Variants in COL5A2 observed in about 807,000 individuals in gnomAD.
COL5A2 encodes the protein collagen type V alpha 2 chain.
In COL5A2, 23 loss-of-function variants were observed where a neutral mutation model predicts 208.2. That is an observed-to-expected ratio of 0.11 (90% CI 0.08 to 0.16). COL5A2 has a LOEUF of 0.16. Among genes scored for constraint, COL5A2 ranks in the 10% least tolerant of loss-of-function variants. The pLI is 1.00. For missense variants in COL5A2, 1,590 were observed against 1,956.4 expected (o/e 0.81, Z 3.53); for synonymous variants, 625 against 628.5 (o/e 0.99, Z 0.08).
chr2:189,314,545 C>T, the COL5A2 span, among the ~76,000 whole-genome samples: 1 of 152,128 alleles, frequency 6.6e-6, no homozygotes, highest in South Asian at 2.1e-4. Flanking sequence ...AAATAGTAAA[C>T]AAATCCCAAA....
intron 51 of COL5A2, among the ~76,000 whole-genome samples, chr2:189,037,873 A>G (rs1685474769): frequency 6.6e-6 from 1 of 152,208 alleles, no homozygotes; most frequent in Non-Finnish European, 1.5e-5. Flanking sequence ...AAGTAAATAA[A>G]TATTTTGAAC....
rs768348357 is a variant in COL5A2 at position 189,064,652 on chromosome 2, C to T, written c.1621G>A (p.Ala541Thr). The change falls in exon 25 of 54, where the codon GCT (alanine) becomes ACT (threonine). Residue 541 changes from alanine to threonine, a missense_variant. Transcript: ENST00000374866. ...GSDGLPGPKGAQGERGPVGSS... is the reference protein window; with the variant it reads ...GSDGLPGPKGTQGERGPVGSS... ...CCTACAGGACCCCGTTCTCCTTGAG[C>T]ACCCTGTACCGAGGCAAAGCAGATG... is the stretch of plus-strand genomic sequence containing the variant. 1.9e-6 allele frequency: 3 copies of T among 1,610,330 alleles called. No homozygotes were observed. The highest frequency in any genetic ancestry group is 4.5e-5 in the East Asian group (2 of 44,828).
chr2:189,394,042 T>G, the COL5A2 span, among the ~76,000 whole-genome samples: 1 of 152,182 alleles, frequency 6.6e-6, no homozygotes, highest in African/African-American at 2.4e-5. Context: ...GGCCTCACCT[T>G]GAGCATACCT....
chr2:189,055,307 T>C (rs1200368079), intron 35 of COL5A2, among the ~76,000 whole-genome samples: 2 of 152,194 alleles, frequency 1.3e-5, no homozygotes, highest in Admixed American at 1.3e-4. Flanking sequence ...AGCTAACACA[T>C]GGGGACACAA....
At chr2:189,235,235 T>C in the COL5A2 span, among the ~76,000 whole-genome samples, 2 of 151,714 alleles carry the variant, frequency 1.3e-5, no homozygotes, top group South Asian at 2.1e-4. Context: ...ATTCTCTAAA[T>C]AGTACATATT....
the COL5A2 span, among the ~76,000 whole-genome samples, chr2:189,426,082 G>C: frequency 6.6e-6 from 1 of 152,194 alleles, no homozygotes. Flanking sequence ...AAATGACTTT[G>C]AAACTGGGTA....
the COL5A2 span, among the ~76,000 whole-genome samples, chr2:189,325,322 A>AT: frequency 0.15 from 21,880 of 144,078 alleles, 1,908 homozygotes; most frequent in South Asian, 0.2. Context: ...TAATAAAAAA[A>AT]AATATATATA....
At chr2:189,163,064 A>G (rs1688399944) in intron 1 of COL5A2, among the ~76,000 whole-genome samples, 1 of 152,272 alleles carries the variant, frequency 6.6e-6, no homozygotes, top group Admixed American at 6.5e-5. Flanking sequence ...AGGAATCAAG[A>G]ACAAATATGA....
chr2:189,340,208 G>A, the COL5A2 span, among the ~76,000 whole-genome samples: 6 of 152,156 alleles, frequency 3.9e-5, no homozygotes, highest in Admixed American at 1.3e-4. Context: ...TCAGTGGGGG[G>A]CTTAGGACTT....
the COL5A2 span, among the ~76,000 whole-genome samples, chr2:189,265,964 C>A: frequency 6.6e-6 from 1 of 152,140 alleles, no homozygotes; most frequent in African/African-American, 2.4e-5. Context: ...ATATTCCACT[C>A]TTAAATAAAT....
chr2:189,225,122 A>C (rs2105882580), intron 1 of COL5A2, among the ~76,000 whole-genome samples: 1 of 152,296 alleles, frequency 6.6e-6, no homozygotes, highest in South Asian at 2.1e-4. Flanking sequence ...ACCAAGCTTA[A>C]TCAAAACTCT....
the COL5A2 span, among the ~76,000 whole-genome samples, chr2:189,236,236 A>AT: frequency 6.6e-6 from 1 of 151,704 alleles, no homozygotes. Flanking sequence ...AACCATGAGC[A>AT]TGACTCTAGT....
At chr2:189,042,217 A>G (rs1685576824) in intron 49 of COL5A2, among the ~76,000 whole-genome samples, 1 of 152,210 alleles carries the variant, frequency 6.6e-6, no homozygotes, top group African/African-American at 2.4e-5. Flanking sequence ...GTCTTATGCC[A>G]TCAATGACTT....
In COL5A2 at chr2:189,169,077, G is replaced by A. The variant is rs142724663; in HGVS notation, c.97+10431C>T. Among the ~76,000 whole-genome samples, 13 of 152,300 alleles carry A rather than the reference G, an allele frequency of 8.5e-5. No individual in the cohort carries two copies. The East Asian group carries it at 1.7e-3, about 20-fold the overall frequency. On this transcript the variant is annotated intron_variant, in intron 1 of 53. Coordinates refer to ENST00000374866, the MANE Select transcript of COL5A2 (RefSeq NM_000393.5). The stretch of plus-strand genomic sequence containing the variant: ...GATGGTCACCCCTACTACTGTATCC[G>A]AATAGTCCTGGGAGCTGCTTTGTAA...
chr2:189,271,890 C>T, the COL5A2 span, among the ~76,000 whole-genome samples: 1 of 152,110 alleles, frequency 6.6e-6, no homozygotes, highest in African/African-American at 2.4e-5. Context: ...ATTTATGTGG[C>T]CAACAAACAT....
At chr2:189,172,306 A>C (rs374342339) in intron 1 of COL5A2, among the ~76,000 whole-genome samples, 2 of 152,210 alleles carry the variant, frequency 1.3e-5, no homozygotes, top group South Asian at 4.1e-4. Context: ...AGGGAGATGG[A>C]GAACAAATAA....
chr2:189,418,970 A>C, the COL5A2 span, among the ~76,000 whole-genome samples: 1 of 152,174 alleles, frequency 6.6e-6, no homozygotes, highest in Non-Finnish European at 1.5e-5. Context: ...ATCCAAATGT[A>C]ATAGTTACAG....
the COL5A2 span, among the ~76,000 whole-genome samples, chr2:189,383,922 T>A: frequency 3.9e-5 from 6 of 152,228 alleles, no homozygotes; most frequent in East Asian, 1.2e-3. Flanking sequence ...CCATTCACCT[T>A]TCCTATCCTC....
intron 1 of COL5A2, among the ~76,000 whole-genome samples, chr2:189,187,838 G>A (rs113382228): frequency 0.016 from 2,377 of 152,020 alleles, 24 homozygotes; most frequent in Middle Eastern, 0.027. Flanking sequence ...GCGTGGTGGT[G>A]GGCGCCTGTA....
Sources: allele counts gnomAD v4.1 joint callset (sites outside exome capture counted in the v4.1 genomes callset), GRCh38; gene constraint gnomAD v4.1.1; transcripts MANE v1.5; gene names NCBI Gene and HGNC (gene_info 2026-07-23, HGNC 2026-07-21).